Variants in GREM2 observed in about 807,000 individuals in gnomAD.
GREM2 encodes gremlin 2, DAN family BMP antagonist, also known as gremlin-2.
In GREM2, 11 loss-of-function variants were observed where a neutral mutation model predicts 14.2. That is an observed-to-expected ratio of 0.78 (90% CI 0.49 to 1.28). The LOEUF is 1.28. Ranked by LOEUF, GREM2 falls within the 50% of genes most tolerant of loss-of-function variation. The pLI, the probability that GREM2 is intolerant of heterozygous loss-of-function variation, is 0.00. For missense variants in GREM2, 210 were observed against 218.5 expected (o/e 0.96, Z 0.24); for synonymous variants, 98 against 97.6 (o/e 1.00, Z -0.02).
chr1:240,596,933 C>T (rs964312228), intron 1 of GREM2, among the ~76,000 whole-genome samples: 4 of 152,276 alleles, frequency 2.6e-5, no homozygotes, highest in Admixed American at 2.0e-4. Context: ...TCACTTTCTC[C>T]GTCCTGCATT....
chr1:240,526,050 A>G (rs1678214931), intron 1 of GREM2, among the ~76,000 whole-genome samples: 1 of 152,180 alleles, frequency 6.6e-6, no homozygotes, highest in South Asian at 2.1e-4. Context: ...TCCTGCTTTA[A>G]GGACTCACGT....
At chr1:240,596,325 T>C (rs913573595) in intron 1 of GREM2, among the ~76,000 whole-genome samples, 4 of 152,228 alleles carry the variant, frequency 2.6e-5, no homozygotes, top group African/African-American at 9.6e-5. Flanking sequence ...TGCGAAACTA[T>C]AGAGGAATTA....
rs1001648935 is a variant in GREM2, at chr1:240,542,174, C to G, written c.-1-48698G>C. The stretch of plus-strand genomic sequence containing the variant: ...ACAGTCCTCCACGACAAAACACCAT[C>G]CTGTCCCTTGTCAACAGCATCAATA... On this transcript the variant is annotated intron_variant, in intron 1 of 1. Transcript: ENST00000318160. The surrounding 1 kb of genome is among the most constrained non-coding windows in gnomAD (Gnocchi z 4.1). Among the ~76,000 whole-genome samples, 3 of 152,050 alleles carry G rather than the reference C, an allele frequency of 2.0e-5. No homozygotes were observed. The highest frequency in any genetic ancestry group is 2.9e-5 in the Non-Finnish European group (2 of 68,018).
chr1:240,593,511 A>G (rs1304297120), intron 1 of GREM2, among the ~76,000 whole-genome samples: 4 of 152,222 alleles, frequency 2.6e-5, no homozygotes, highest in African/African-American at 9.6e-5. Context: ...CAATGAGTCT[A>G]CCTAGTTTAC....
intron 1 of GREM2, among the ~76,000 whole-genome samples, chr1:240,554,274 G>A (rs1362838948): frequency 2.0e-5 from 3 of 151,888 alleles, no homozygotes; most frequent in African/African-American, 7.3e-5. Flanking sequence ...AGCCGGGTGT[G>A]GTAGCGGGAG....
chr1:240,572,925 T>C (rs1210579173), intron 1 of GREM2, among the ~76,000 whole-genome samples: 1 of 152,164 alleles, frequency 6.6e-6, no homozygotes, highest in Non-Finnish European at 1.5e-5. Context: ...TAAAATGTTT[T>C]CCTTACCTGA....
intron 1 of GREM2, among the ~76,000 whole-genome samples, chr1:240,567,501 A>C (rs1416580612): frequency 1.3e-5 from 2 of 152,196 alleles, no homozygotes; most frequent in Non-Finnish European, 2.9e-5. Flanking sequence ...CTTTGGAAAA[A>C]ATTACAATGG....
intron 1 of GREM2, among the ~76,000 whole-genome samples, chr1:240,509,696 C>T (rs1677762177): frequency 6.6e-6 from 1 of 152,090 alleles, no homozygotes; most frequent in Admixed American, 6.5e-5. Context: ...CCTCCCTGCC[C>T]CTTTCTCTCC....
At chr1:240,590,941 C>T (rs539879190) in intron 1 of GREM2, among the ~76,000 whole-genome samples, 1 of 151,940 alleles carries the variant, frequency 6.6e-6, no homozygotes, top group Non-Finnish European at 1.5e-5. Context: ...GCCTCCATGC[C>T]CGGCTAATTT....
Position 240,490,115 on chromosome 1 carries a change from G to A in GREM2, c.*2854C>T, listed in dbSNP as rs773245058. On this transcript the variant is annotated 3_prime_UTR_variant, in exon 2 of 2. Transcript: ENST00000318160. ...TAAATGTGAAAATGAACAAAACTCAGAACAAGTGTGTCCCTGGTGCTAACG... is the reference window on the plus strand; with the variant it reads ...TAAATGTGAAAATGAACAAAACTCAAAACAAGTGTGTCCCTGGTGCTAACG... 2.6e-5 allele frequency: 4 copies of A among 152,204 alleles called. No homozygotes were observed. The highest frequency in any genetic ancestry group is 5.9e-5 in the Non-Finnish European group (4 of 68,040). 9.4% of individuals were successfully genotyped at this position (152,204 alleles called of 1,614,324 possible).
intron 1 of GREM2, among the ~76,000 whole-genome samples, chr1:240,558,381 A>G (rs995814315): frequency 6.6e-6 from 1 of 152,112 alleles, no homozygotes; most frequent in Non-Finnish European, 1.5e-5. Context: ...AACTATGCGA[A>G]AACAATTTTG....
intron 1 of GREM2, among the ~76,000 whole-genome samples, chr1:240,557,627 T>C (rs912730561): frequency 5.9e-5 from 9 of 152,214 alleles, no homozygotes; most frequent in Non-Finnish European, 1.0e-4. Context: ...CATATATTTT[T>C]AGGCATATAC....
chr1:240,493,293 C>A lies in GREM2; in HGVS notation c.183G>T (p.Val61=), dbSNP rs904222941. 3.1e-6 allele frequency: 5 copies of A among 1,614,006 alleles called. No homozygotes were observed. The highest frequency in any genetic ancestry group is 1.7e-5 in the Admixed American group (1 of 60,024). Residue 61 remains valine (V), a synonymous_variant, in exon 2 of 2, where the codon GTG becomes GTT. Transcript: ENST00000318160. ...EVLASSQEAL[V]VTERKYLKSD... ...TCTTGAGGTACTTGCGCTCGGTGAC[C>A]ACCAGGGCCTCCTGGCTGGAGGCCA...
chr1:240,609,076 A>G (rs1408073200), intron 1 of GREM2, among the ~76,000 whole-genome samples: 2 of 152,222 alleles, frequency 1.3e-5, no homozygotes, highest in Non-Finnish European at 2.9e-5. Flanking sequence ...AAGCTAATCA[A>G]AAATCTATAT....
chr1:240,604,309 ATGTGTGTGTG>A (rs61016634), intron 1 of GREM2, among the ~76,000 whole-genome samples: 5 of 116,708 alleles, frequency 4.3e-5, no homozygotes, highest in Admixed American at 1.7e-4. Context: ...AACTATACGT[ATGTGTGTGTG>A]TGTGTGTGTG....
intron 1 of GREM2, among the ~76,000 whole-genome samples, chr1:240,578,138 T>G (rs1254336470): frequency 6.6e-6 from 1 of 152,094 alleles, no homozygotes; most frequent in Non-Finnish European, 1.5e-5. Flanking sequence ...TTTTTAAAAT[T>G]TTTTTGAGAC....
At chr1:240,509,640 T>A (rs1677760135) in intron 1 of GREM2, among the ~76,000 whole-genome samples, 1 of 152,020 alleles carries the variant, frequency 6.6e-6, no homozygotes, top group Non-Finnish European at 1.5e-5. Flanking sequence ...TGTGCTGGGA[T>A]TACAGGCATG....
chr1:240,563,289 G>A (rs77874804), intron 1 of GREM2, among the ~76,000 whole-genome samples: 4,944 of 152,020 alleles, frequency 0.033, 255 homozygotes, highest in African/African-American at 0.11. Context: ...CTTTACAAAC[G>A]CGCTGCAGTG....
intron 1 of GREM2, among the ~76,000 whole-genome samples, chr1:240,570,331 G>A (rs530514219): frequency 3.9e-5 from 6 of 152,122 alleles, no homozygotes; most frequent in East Asian, 3.9e-4. Context: ...GCATGGTGGC[G>A]CGTGCCTGTA....
Sources: gnomAD v4.1 joint callset for allele counts (sites outside exome capture counted in the v4.1 genomes callset) on GRCh38, gnomAD v4.1.1 for gene constraint, Gnocchi (gnomAD v3.1) non-coding constraint, MANE v1.5 for transcripts, NCBI Gene and HGNC (gene_info 2026-07-23, HGNC 2026-07-21) for gene names.